The following XXYLT1 variants were observed in gnomAD, a reference collection of about 807,000 sequenced individuals.
The protein encoded by XXYLT1 is UDP-xylose:alpha-xyloside alpha-1,3-xylosyltransferase.
Under a neutral mutation model 28.9 loss-of-function variants are expected in XXYLT1, and 20 were observed. The observed-to-expected ratio is 0.69, with a 90% confidence interval of 0.49 to 1.00. The LOEUF is 1.00. XXYLT1 is among the 50% of genes least tolerant of loss of function. XXYLT1 has a pLI of 0.00. For missense variants in XXYLT1, 542 were observed against 560.1 expected (o/e 0.97, Z 0.33); for synonymous variants, 257 against 253.8 (o/e 1.01, Z -0.12).
intron 2 of XXYLT1, among the ~76,000 whole-genome samples, chr3:195,225,234 C>T (rs148430674): frequency 2.2e-3 from 336 of 152,276 alleles, no homozygotes; most frequent in Non-Finnish European, 3.8e-3. Flanking sequence ...TGTCGGTGAG[C>T]TCGTCTCCTC....
At chr3:195,101,862 A>G (rs1716794376) in intron 3 of XXYLT1, among the ~76,000 whole-genome samples, 1 of 146,582 alleles carries the variant, frequency 6.8e-6, no homozygotes, top group Non-Finnish European at 1.5e-5. Context: ...AAAGAAAAAG[A>G]AAGTAAGGAA....
At position 195,270,955 on chromosome 3, in the gene XXYLT1, ACGGCCAGCGCCG is replaced by A; in HGVS notation, c.92_103del (p.Ala31_Ala34del). On this transcript the variant is annotated inframe_deletion, in exon 1 of 4. Coordinates refer to ENST00000310380, the MANE Select transcript of XXYLT1 (RefSeq NM_152531.5). ...TGAGCCGAGGTAGTAGAAGGCGCAG[ACGGCCAGCGCCG>A]CGGCCAGCAGCAGGGCGCAGTAGTG... The A allele has an allele frequency of 6.7e-7, 1 of 1,488,398 alleles. No individual in the cohort carries two copies. Among genetic ancestry groups the A allele is most frequent in the Non-Finnish European group, 8.9e-7 (1 of 1,121,880 alleles). 92.2% of individuals were successfully genotyped at this position (1,488,398 alleles called of 1,614,324 possible).
chr3:195,264,400 C>A (rs752533659), intron 1 of XXYLT1, among the ~76,000 whole-genome samples: 6 of 152,228 alleles, frequency 3.9e-5, no homozygotes, highest in Admixed American at 6.5e-5. Context: ...CGGACGGAGT[C>A]CCGCCCAGAG....
chr3:195,177,608 A>G (rs1473291200), intron 2 of XXYLT1, among the ~76,000 whole-genome samples: 1 of 151,954 alleles, frequency 6.6e-6, no homozygotes, highest in Non-Finnish European at 1.5e-5. Context: ...TGGCCATGAG[A>G]CCTGCCTTAG....
At chr3:195,164,522 C>T (rs752622912) in intron 2 of XXYLT1, among the ~76,000 whole-genome samples, 2 of 152,210 alleles carry the variant, frequency 1.3e-5, no homozygotes, top group Non-Finnish European at 2.9e-5. Context: ...CATTTGTGTC[C>T]CACTGGGTCC....
intron 2 of XXYLT1, among the ~76,000 whole-genome samples, chr3:195,198,009 C>T (rs896357967): frequency 3.9e-5 from 6 of 152,356 alleles, no homozygotes; most frequent in Non-Finnish European, 7.3e-5. Context: ...CGGGCTTCAC[C>T]CTCGGCTCTC....
chr3:195,265,061 C>CA (rs796185827), intron 1 of XXYLT1, among the ~76,000 whole-genome samples: 4,064 of 138,782 alleles, frequency 0.029, 162 homozygotes, highest in African/African-American at 0.095. Context: ...AACCCTATCT[C>CA]AAAAAAAAAA....
In XXYLT1 at chr3:195,257,789, G is replaced by A. The variant is rs373247517; in HGVS notation, c.504+12766C>T. ...GGTCATGACTCTCCTGCCAGGGACA[G>A]AAGACAGAGCCAGTCTGTGGCTCCA... On this transcript the variant is annotated intron_variant, in intron 1 of 3. Transcript: ENST00000310380. This position sits in a 1 kb window ranked among gnomAD's most constrained non-coding sequence, Gnocchi z 4.3. Among the ~76,000 whole-genome samples, 6 of 152,102 alleles carry A rather than the reference G, an allele frequency of 3.9e-5. No homozygotes were observed. The East Asian group carries it at 1.2e-3, about 29-fold the overall frequency.
intron 3 of XXYLT1, among the ~76,000 whole-genome samples, chr3:195,139,307 A>G (rs1719359871): frequency 6.6e-6 from 1 of 152,128 alleles, no homozygotes; most frequent in African/African-American, 2.4e-5. Flanking sequence ...ATGAAATTGA[A>G]AGTCGAGCAG....
chr3:195,087,605 T>C (rs1002529774), intron 3 of XXYLT1, among the ~76,000 whole-genome samples: 4 of 152,144 alleles, frequency 2.6e-5, no homozygotes, highest in African/African-American at 9.7e-5. Context: ...CAACTGGAAT[T>C]TGAATGAACA....
At chr3:195,244,992 C>A (rs769371179) in intron 1 of XXYLT1, among the ~76,000 whole-genome samples, 1 of 150,306 alleles carries the variant, frequency 6.7e-6, no homozygotes, top group Non-Finnish European at 1.5e-5. Flanking sequence ...ATGGAGAAAC[C>A]CCCGTCTCTA....
chr3:195,157,725 A>C (rs1720676453), intron 2 of XXYLT1, among the ~76,000 whole-genome samples: 1 of 152,182 alleles, frequency 6.6e-6, no homozygotes. Context: ...CCTGAAATGG[A>C]AGAGCAGCTG....
chr3:195,122,040 G>A (rs1718384917), intron 3 of XXYLT1: 1 of 702,920 alleles, frequency 1.4e-6, no homozygotes, highest in Admixed American at 2.0e-5. Flanking sequence ...CTAGAGGCTG[G>A]GAAGTCCAAG....
Position 195,256,576 on chromosome 3 carries a change from CG to C in XXYLT1, c.504+13978del. 2 of 985,380 alleles carry C rather than the reference CG, an allele frequency of 2.0e-6. No homozygotes were observed. The highest frequency in any genetic ancestry group is 3.5e-5 in the African/African-American group (2 of 57,326). 61.0% of individuals were successfully genotyped at this position (985,380 alleles called of 1,614,324 possible). ...TCCTCACACCCCGCAACTTCTCACC[CG>C]CACATTCAGGATGGGGTCTGGAAAG... On this transcript the variant is annotated intron_variant, in intron 1 of 3. Coordinates refer to ENST00000310380, the MANE Select transcript of XXYLT1 (RefSeq NM_152531.5). The surrounding 1 kb of genome is among the most constrained non-coding windows in gnomAD (Gnocchi z 4.2).
intron 3 of XXYLT1, among the ~76,000 whole-genome samples, chr3:195,071,035 T>C (rs1714774999): frequency 6.6e-6 from 1 of 152,202 alleles, no homozygotes; most frequent in Non-Finnish European, 1.5e-5. Flanking sequence ...GTTAAAGCGC[T>C]GCACTGTCCT....
chr3:195,112,708 C>G (rs1002833318), intron 3 of XXYLT1, among the ~76,000 whole-genome samples: 7 of 151,612 alleles, frequency 4.6e-5, no homozygotes, highest in Non-Finnish European at 8.8e-5. Flanking sequence ...CACACGTATG[C>G]ACACACGCAG....
chr3:195,199,537 G>A lies in XXYLT1; in HGVS notation c.652+27172C>T, dbSNP rs1218177908. The stretch of plus-strand genomic sequence containing the variant: ...GAGGCAGCAGAATGGCGTGAACCCG[G>A]GAGGCGGAGCTTGCAGTGAGCTGAG... On this transcript the variant is annotated intron_variant, in intron 2 of 3. Transcript: ENST00000310380. 3.9e-5 allele frequency among the ~76,000 whole-genome samples: 6 copies of A among 152,050 alleles called. No individual in the cohort carries two copies. The East Asian group carries it at 9.6e-4, about 24-fold the overall frequency.
At chr3:195,226,406 G>A (rs763861139) in intron 2 of XXYLT1, among the ~76,000 whole-genome samples, 10 of 152,148 alleles carry the variant, frequency 6.6e-5, no homozygotes, top group Non-Finnish European at 1.5e-4. Flanking sequence ...AGCAAACAAA[G>A]TATGGGGGTT....
intron 2 of XXYLT1, among the ~76,000 whole-genome samples, chr3:195,171,370 T>C (rs1721397011): frequency 6.6e-6 from 1 of 152,290 alleles, no homozygotes; most frequent in African/African-American, 2.4e-5. Flanking sequence ...ATTTGTTGAG[T>C]CAGTCAGTGC....
Sources: allele counts gnomAD v4.1 joint callset (sites outside exome capture counted in the v4.1 genomes callset), GRCh38; gene constraint gnomAD v4.1.1; non-coding constraint Gnocchi (gnomAD v3.1); transcripts MANE v1.5; gene names NCBI Gene and HGNC (gene_info 2026-07-23, HGNC 2026-07-21).